DNHD1: variants seen among roughly 807,000 people sequenced by gnomAD.
The protein encoded by DNHD1 is dynein heavy chain domain 1.
In DNHD1, 383 loss-of-function variants were observed where a neutral mutation model predicts 458.1. That is an observed-to-expected ratio of 0.84 (90% confidence interval 0.77 to 0.91). The LOEUF is 0.91. Among genes scored for constraint, DNHD1 ranks in the 40% least tolerant of loss-of-function variants. The pLI, the probability that DNHD1 is intolerant of heterozygous loss-of-function variation, is 0.00. For missense variants in DNHD1, 5,336 were observed against 5,866.1 expected (o/e 0.91, Z 2.95); for synonymous variants, 2,203 against 2,376.9 (o/e 0.93, Z 2.13).
rs905356014 is a variant in DNHD1, at chr11:6,538,785, C to G, written c.3300C>G (p.Ser1100Arg). The change falls in exon 16 of 43, where the codon AGC becomes AGG. Residue 1100 changes from serine to arginine, a missense_variant. Around this residue, in one of 4 missense-constraint regions of DNHD1, gnomAD observed 3,932 missense variants for 4,365.6 expected, o/e 0.90. Coordinates refer to ENST00000254579, the MANE Select transcript of DNHD1 (RefSeq NM_144666.3). ...LTKLGSLHPQ[S>R]LNCQCLLRAL... ...AGCTGGGCAGCCTCCACCCACAGAG[C>G]CTCAACTGCCAGTGTCTCCTGCGTG... 5 of 1,525,674 alleles carry G rather than the reference C, an allele frequency of 3.3e-6. No individual in the cohort carries two copies. Among genetic ancestry groups the G allele is most frequent in the Non-Finnish European group, 4.4e-6 (5 of 1,131,802 alleles). 94.5% of individuals were successfully genotyped at this position (1,525,674 alleles called of 1,614,324 possible).
At chr11:6,506,246 G>C (rs937148437) in intron 4 of DNHD1, among the ~76,000 whole-genome samples, 1 of 152,162 alleles carries the variant, frequency 6.6e-6, no homozygotes, top group African/African-American at 2.4e-5. Flanking sequence ...AACAGACTCA[G>C]GGAACTAAAT....
chr11:6,498,121 C>T lies in DNHD1; in HGVS notation c.-95C>T. 1 of 1,530,220 alleles carries T rather than the reference C, an allele frequency of 6.5e-7. No homozygotes were observed. Among genetic ancestry groups the T allele is most frequent in the Non-Finnish European group, 8.8e-7 (1 of 1,131,100 alleles). 94.8% of individuals were successfully genotyped at this position (1,530,220 alleles called of 1,614,324 possible). A position where few individuals can be genotyped will look rare whatever the true frequency, so the allele number is the denominator to read the frequency against. On this transcript the variant is annotated 5_prime_UTR_variant, in exon 3 of 43. It introduces an in-frame stop codon into an upstream open reading frame of the 5' UTR. Coordinates refer to ENST00000254579, the MANE Select transcript of DNHD1 (RefSeq NM_144666.3). The stretch of plus-strand genomic sequence containing the variant: ...GGCCCCTCTGCTGGGCTGGCCCATG[C>T]AGGTGAGGCCCCGCATCTGGCATCC...
chr11:6,559,692 A>G (rs1589893398), intron 28 of DNHD1, among the ~76,000 whole-genome samples: 1 of 152,212 alleles, frequency 6.6e-6, no homozygotes, highest in East Asian at 1.9e-4. Context: ...CACAAAAGCA[A>G]CAAACAAAAC....
Position 6,539,325 on chromosome 11 carries a change from A to G in DNHD1, c.3420+12A>G. 6.5e-7 allele frequency: 1 copy of G among 1,543,468 alleles called. No homozygotes were observed. On this transcript the variant is annotated intron_variant, in intron 17 of 42. Transcript: ENST00000254579. The stretch of plus-strand genomic sequence containing the variant: ...ATCGAATCAACCAGGTGGGGCCCTC[A>G]GTACAGGGGCGAGGGAGGTGGTCCA...
chr11:6,566,723 G>GA lies in DNHD1; in HGVS notation c.11344dup (p.Ile3782AsnfsTer14). ...TCGAGACCCGCTGGCAGGACCTAAAGATCAGAGCCCTAGATACCTGCAAGG... is the reference window on the plus strand; with the variant it reads ...TCGAGACCCGCTGGCAGGACCTAAAGAATCAGAGCCCTAGATACCTGCAAGG... On this transcript the variant is annotated frameshift_variant, in exon 35 of 43. Transcript: ENST00000254579. LOFTEE classifies it high-confidence loss of function. 6.8e-6 allele frequency: 11 copies of GA among 1,611,900 alleles called. No individual in the cohort carries two copies. The highest frequency in any genetic ancestry group is 8.5e-6 in the Non-Finnish European group (10 of 1,178,938).
chr11:6,551,759 G>T (rs535913701), intron 24 of DNHD1, among the ~76,000 whole-genome samples: 1 of 152,180 alleles, frequency 6.6e-6, no homozygotes, highest in East Asian at 1.9e-4. Flanking sequence ...TGGCCAACAT[G>T]GTGAAACCCC....
At chr11:6,561,207 CA>C (rs1309081489) in intron 28 of DNHD1, among the ~76,000 whole-genome samples, 1 of 152,152 alleles carries the variant, frequency 6.6e-6, no homozygotes, top group African/African-American at 2.4e-5. Flanking sequence ...AGGCCACTGC[CA>C]ATGGATCACT....
At chr11:6,549,459 C>A (rs1358365590) in intron 24 of DNHD1, among the ~76,000 whole-genome samples, 1 of 152,210 alleles carries the variant, frequency 6.6e-6, no homozygotes, top group African/African-American at 2.4e-5. Flanking sequence ...AATGCTCTTA[C>A]AAAGCTTTCT....
chr11:6,544,319 G>C (rs1853161035), intron 19 of DNHD1, 73 bp downstream of exon 19: 1 of 1,518,428 alleles, frequency 6.6e-7, no homozygotes, highest in Non-Finnish European at 8.9e-7. Flanking sequence ...GGGGGTGAGA[G>C]GTGGAGGTTG....
Position 6,565,879 on chromosome 11 carries a change from C to T in DNHD1, c.10941C>T (p.Ser3647=). Reference sequence around the variant, plus strand: ...AGAAAGAGGAGGAGAAGACAGAGAGCCAGGGGTCAAAGCCAGCCTATGAGA... The same window carrying T: ...AGAAAGAGGAGGAGAAGACAGAGAGTCAGGGGTCAAAGCCAGCCTATGAGA... The part of the protein sequence containing the change: ...NEEKEEEKTE[S]QGSKPAYETQ... Residue 3647 remains serine (S), a synonymous_variant, in exon 33 of 43, where the codon AGC becomes AGT. Transcript: ENST00000254579. 6.4e-7 allele frequency: 1 copy of T among 1,551,572 alleles called. No individual in the cohort carries two copies. Among genetic ancestry groups the T allele is most frequent in the Non-Finnish European group, 8.7e-7 (1 of 1,146,974 alleles).
At position 6,509,013 on chromosome 11, in the gene DNHD1, T is replaced by C; in HGVS notation, c.1054T>C (p.Cys352Arg). 1.2e-6 allele frequency: 2 copies of C among 1,614,262 alleles called. No homozygotes were observed. The highest frequency in any genetic ancestry group is 1.7e-6 in the Non-Finnish European group (2 of 1,180,042). ...TMTLGTWHHHCVLWQQLQFIP... is the reference protein window; with the variant it reads ...TMTLGTWHHHRVLWQQLQFIP... Reference sequence around the variant, plus strand: ...GACACTGGGTACCTGGCACCATCACTGTGTTCTCTGGCAGCAGCTCCAGTT... The same window carrying C: ...GACACTGGGTACCTGGCACCATCACCGTGTTCTCTGGCAGCAGCTCCAGTT... Residue 352 changes from cysteine to arginine, a missense_variant, in exon 5 of 43, where the codon TGT becomes CGT. By Grantham distance (180) the Cys-to-Arg change is radical (BLOSUM62 -3). Around this residue, in one of 4 missense-constraint regions of DNHD1, gnomAD observed 3,932 missense variants for 4,365.6 expected, o/e 0.90. Coordinates refer to ENST00000254579, the MANE Select transcript of DNHD1 (RefSeq NM_144666.3).
Position 6,571,207 on chromosome 11 carries a change from C to T in DNHD1, c.13695C>T (p.Tyr4565=). The T allele has an allele frequency of 6.2e-7, 1 of 1,607,304 alleles. No homozygotes were observed. Among genetic ancestry groups the T allele is most frequent in the Non-Finnish European group, 8.5e-7 (1 of 1,176,112 alleles). The part of the protein sequence containing the change: ...LSRRGQLLVR[Y]LGVGADASSD... ...GCCGTGGGCAACTGTTGGTTCGTTACTTGGGCGTGGGCGCGGACGCGAGCA... is the reference window on the plus strand; with the variant it reads ...GCCGTGGGCAACTGTTGGTTCGTTATTTGGGCGTGGGCGCGGACGCGAGCA... The change falls in exon 42 of 43, where the codon TAC becomes TAT. Residue 4565 remains tyrosine (Y), a synonymous_variant. Coordinates refer to ENST00000254579, the MANE Select transcript of DNHD1 (RefSeq NM_144666.3). This position sits in a 1 kb window ranked among gnomAD's most constrained non-coding sequence, Gnocchi z 5.0.
At chr11:6,553,878 T>C (rs1248898850) in intron 24 of DNHD1, among the ~76,000 whole-genome samples, 1 of 152,170 alleles carries the variant, frequency 6.6e-6, no homozygotes, top group Admixed American at 6.6e-5. Flanking sequence ...TGTTCATGGA[T>C]CAGAAGAGTC....
chr11:6,566,520 C>G, intron 34 of DNHD1, 67 bp from the exon 35 acceptor site: 1 of 1,508,862 alleles, frequency 6.6e-7, no homozygotes, highest in South Asian at 1.2e-5. Context: ...GAGCCATACT[C>G]CCTGTCTACT....
chr11:6,537,146 A>G (rs912716825), intron 14 of DNHD1, among the ~76,000 whole-genome samples: 1 of 152,214 alleles, frequency 6.6e-6, no homozygotes, highest in Non-Finnish European at 1.5e-5. Flanking sequence ...AAACCTCGAT[A>G]TTATAATTAT....
chr11:6,557,789 G>A lies in DNHD1; in HGVS notation c.8494G>A (p.Glu2832Lys), dbSNP rs777499746. Residue 2832 changes from glutamate to lysine, a missense_variant, in exon 25 of 43, where the codon GAG (glutamate) becomes AAG (lysine). Physicochemically the swap from Glu to Lys is moderately conservative, Grantham distance 56 (BLOSUM62 1). This residue lies in a region of DNHD1 where 3,932 missense variants were observed against 4,365.6 expected (regional missense o/e 0.90). Coordinates refer to ENST00000254579, the MANE Select transcript of DNHD1 (RefSeq NM_144666.3). ...SQELILGPNS[E>K]TPNLYLERQW... is the part of the protein sequence containing the mutation. ...GGAGCTGATACTGGGGCCTAACTCT[G>A]AGACCCCCAACTTGTACCTGGAACG... 1.8e-5 allele frequency: 28 copies of A among 1,551,402 alleles called. No individual in the cohort carries two copies. Among genetic ancestry groups the A allele is most frequent in the African/African-American group, 4.1e-5 (3 of 73,046 alleles).
chr11:6,531,827 C>G (rs1852834216), intron 12 of DNHD1, among the ~76,000 whole-genome samples: 1 of 152,096 alleles, frequency 6.6e-6, no homozygotes, highest in South Asian at 2.1e-4. Context: ...GAGGATCGGT[C>G]AGTTTACTTT....
intron 18 of DNHD1, among the ~76,000 whole-genome samples, chr11:6,540,637 A>C (rs2134422062): frequency 6.6e-6 from 1 of 152,322 alleles, no homozygotes; most frequent in East Asian, 1.9e-4. Flanking sequence ...AGCTCAAAGA[A>C]CCAGAGAGAG....
At position 6,568,234 on chromosome 11, in the gene DNHD1, G is replaced by C; in HGVS notation, c.12530G>C (p.Arg4177Thr). ...LLQLLLELLG[R>T]AKVVADLESE... Reference sequence around the variant, plus strand: ...CAGCTCTTGCTGGAACTGTTAGGCAGAGCCAAGGGTGAGTTTATTGCCTAG... The same window carrying C: ...CAGCTCTTGCTGGAACTGTTAGGCACAGCCAAGGGTGAGTTTATTGCCTAG... Residue 4177 changes from arginine to threonine, a missense_variant, in exon 37 of 43, where the codon AGA (arginine) becomes ACA (threonine). Arg to Thr is a moderately conservative substitution (Grantham distance 71). This residue lies in a region of DNHD1 where 695 missense variants were observed against 804.2 expected (regional missense o/e 0.86). Coordinates refer to ENST00000254579, the MANE Select transcript of DNHD1 (RefSeq NM_144666.3). 1 of 1,549,300 alleles carries C rather than the reference G, an allele frequency of 6.5e-7. No individual in the cohort carries two copies. Among genetic ancestry groups the C allele is most frequent in the Non-Finnish European group, 8.7e-7 (1 of 1,145,038 alleles).
Sources: gnomAD v4.1 joint callset for allele counts (sites outside exome capture counted in the v4.1 genomes callset) on GRCh38, gnomAD v4.1.1 for gene constraint, gnomAD v4.1.1 regional missense constraint, Gnocchi (gnomAD v3.1) non-coding constraint, MANE v1.5 for transcripts, NCBI Gene and HGNC (gene_info 2026-07-23, HGNC 2026-07-21) for gene names.